The following LHX6 variants were observed in gnomAD, a reference collection of about 807,000 sequenced individuals.
LHX6 encodes LIM/homeobox protein Lhx6.
In LHX6, 15 loss-of-function variants were observed where a neutral mutation model predicts 47.1. The ratio of observed to expected loss-of-function variants is 0.32; its 90% CI spans 0.21 to 0.49. The LOEUF is 0.49. LHX6 is among the 20% of genes least tolerant of loss of function. The pLI is 0.99. For missense variants in LHX6, 404 were observed against 539.6 expected (o/e 0.75, Z 2.49); for synonymous variants, 242 against 233.5 (o/e 1.04, Z -0.33).
chr9:122,204,643 C>A lies in LHX6; in HGVS notation c.*117G>T, dbSNP rs1040579124. The A allele has an allele frequency of 2.2e-5, 28 of 1,274,688 alleles. No homozygotes were observed. The highest frequency in any genetic ancestry group is 4.3e-6 in the Non-Finnish European group (4 of 920,020). 79.0% of individuals were successfully genotyped at this position (1,274,688 alleles called of 1,614,324 possible). On this transcript the variant is annotated 3_prime_UTR_variant, in exon 10 of 10. Transcript: ENST00000394319. ...ACCGACCTGGTGGTGGGCAGGATGG[C>A]GGACGGGGGTGGATGCGGAGGTGGG... is the stretch of plus-strand genomic sequence containing the variant.
rs1022731836 is a variant in LHX6 at position 122,203,919 on chromosome 9, T to C, written c.*841A>G. ...CCTGTCCAAACATTCAGAAGAGTCA[T>C]GGCACAGATCGAATACCATCGCTGC... On this transcript the variant is annotated 3_prime_UTR_variant, in exon 10 of 10. Transcript: ENST00000394319. The C allele has an allele frequency of 3.9e-5, 6 of 152,240 alleles. No individual in the cohort carries two copies. Among genetic ancestry groups the C allele is most frequent in the African/African-American group, 1.4e-4 (6 of 41,454 alleles). The allele number at this position is 152,240 out of a possible 1,614,324, so 9.4% of individuals were successfully genotyped here.
At chr9:122,225,507 T>A (rs1831055836) in intron 4 of LHX6, among the ~76,000 whole-genome samples, 1 of 152,236 alleles carries the variant, frequency 6.6e-6, no homozygotes, top group Admixed American at 6.5e-5. Context: ...GACAGGAGGA[T>A]GCGCCTGGCT....
chr9:122,220,428 A>G (rs1290414517), intron 4 of LHX6, among the ~76,000 whole-genome samples: 1 of 152,202 alleles, frequency 6.6e-6, no homozygotes, highest in Non-Finnish European at 1.5e-5. Context: ...GACAGGAGTC[A>G]GCAGCACGAA....
At chr9:122,225,810 T>C (rs866503701) in intron 4 of LHX6, among the ~76,000 whole-genome samples, 1 of 152,116 alleles carries the variant, frequency 6.6e-6, no homozygotes, top group Admixed American at 6.5e-5. Context: ...CGCTTGGGTA[T>C]GGGATCGGAT....
chr9:122,213,726 C>A lies in LHX6; in HGVS notation c.934G>T (p.Val312Leu), dbSNP rs1055004167. 7 of 1,611,148 alleles carry A rather than the reference C, an allele frequency of 4.3e-6. No individual in the cohort carries two copies. Among genetic ancestry groups the A allele is most frequent in the Non-Finnish European group, 5.1e-6 (6 of 1,179,060 alleles). Reference protein sequence around the residue: ...RHKKHTPQHPVPPSGAPPSRL... With the variant: ...RHKKHTPQHPLPPSGAPPSRL... Reference sequence around the variant, plus strand: ...GACGGGGGCGCCCCCGAGGGCGGCACTGGGTGTTGCGGCGTGTGCTTTTTA... The same window carrying A: ...GACGGGGGCGCCCCCGAGGGCGGCAATGGGTGTTGCGGCGTGTGCTTTTTA... Residue 312 changes from valine to leucine, a missense_variant, in exon 8 of 10, where the codon GTG becomes TTG. By Grantham distance (32) the Val-to-Leu change is conservative. Coordinates refer to ENST00000394319, the MANE Select transcript of LHX6 (RefSeq NM_014368.5). The surrounding 1 kb of genome is among the most constrained non-coding windows in gnomAD (Gnocchi z 5.5).
At chr9:122,205,230 G>A (rs1830129217) in intron 9 of LHX6, among the ~76,000 whole-genome samples, 1 of 152,216 alleles carries the variant, frequency 6.6e-6, no homozygotes, top group Non-Finnish European at 1.5e-5. Context: ...GCCAGGCCTG[G>A]CTCACAGCAA....
chr9:122,226,904 C>T lies in LHX6; in HGVS notation c.283G>A (p.Gly95Ser). The T allele has an allele frequency of 6.4e-7, 1 of 1,564,408 alleles. No homozygotes were observed. The highest frequency in any genetic ancestry group is 8.7e-7 in the Non-Finnish European group (1 of 1,154,544). The change falls in exon 3 of 10, where the codon GGC (glycine) becomes AGC (serine). Residue 95 changes from glycine to serine, a missense_variant. Gly to Ser is a moderately conservative substitution (Grantham distance 56). This residue lies in a region of LHX6 where 53 missense variants were observed against 97.4 expected (regional missense o/e 0.54). Transcript: ENST00000394319. This position sits in a 1 kb window ranked among gnomAD's most constrained non-coding sequence, Gnocchi z 6.5. ...PSAASSVPSA[G>S]KNICSSCGLE... ...CCGCAGCTGGAGCAGATGTTCTTGCCTGCAGACGGCACGGAGGAGGCGGCA... is the reference window on the plus strand; with the variant it reads ...CCGCAGCTGGAGCAGATGTTCTTGCTTGCAGACGGCACGGAGGAGGCGGCA...
At position 122,213,607 on chromosome 9, in the gene LHX6, C is replaced by T; in HGVS notation, c.1053G>A (p.Glu351=). 1 of 1,578,546 alleles carries T rather than the reference C, an allele frequency of 6.3e-7. No homozygotes were observed. The highest frequency in any genetic ancestry group is 8.6e-7 in the Non-Finnish European group (1 of 1,161,974). ...GCTCCCGGCGCTGCGGTTACTTACT[C>T]TCAATGTAGCCGTGCAGGGTGACCA... The part of the protein sequence containing the change: ...ARMVTLHGYI[E]SQVQCGQVHC... The change falls in exon 8 of 10, where the codon GAG becomes GAA. Residue 351 remains glutamate (E), a splice_region_variant and synonymous_variant. Coordinates refer to ENST00000394319, the MANE Select transcript of LHX6 (RefSeq NM_014368.5). The surrounding 1 kb of genome is among the most constrained non-coding windows in gnomAD (Gnocchi z 5.5).
chr9:122,221,293 G>C (rs1830844774), intron 4 of LHX6: 2 of 984,504 alleles, frequency 2.0e-6, no homozygotes, highest in Admixed American at 1.2e-4. Context: ...CGGCCCCGAG[G>C]CTCCTCCCCC....
In LHX6 at chr9:122,226,356, G is replaced by A; in HGVS notation, c.461+20C>T. The A allele has an allele frequency of 6.2e-7, 1 of 1,604,498 alleles. No individual in the cohort carries two copies. Among genetic ancestry groups the A allele is most frequent in the South Asian group, 1.1e-5 (1 of 90,224 alleles). On this transcript the variant is annotated intron_variant, in intron 4 of 9. Transcript: ENST00000394319. The surrounding 1 kb of genome is among the most constrained non-coding windows in gnomAD (Gnocchi z 6.5). ...GGGCCTGCCCTCGGCGACACTGCTG[G>A]CTCGGCGGCCGCAGCCTACCTGAAG...
rs1359382987 is a variant in LHX6, at chr9:122,214,165, G to A, written c.784-96C>T. On this transcript the variant is annotated intron_variant, in intron 6 of 9. Coordinates refer to ENST00000394319, the MANE Select transcript of LHX6 (RefSeq NM_014368.5). The surrounding 1 kb of genome is among the most constrained non-coding windows in gnomAD (Gnocchi z 4.6). Reference sequence around the variant, plus strand: ...CAGTCCACAGGCCACGCCCCAGGCAGCTGCGGCCCCGCCCCGCCACCCGGG... The same window carrying A: ...CAGTCCACAGGCCACGCCCCAGGCAACTGCGGCCCCGCCCCGCCACCCGGG... The A allele has an allele frequency of 7.8e-6, 11 of 1,414,106 alleles. No individual in the cohort carries two copies. The highest frequency in any genetic ancestry group is 2.6e-5 in the East Asian group (1 of 38,180). The allele number at this position is 1,414,106 out of a possible 1,614,324, so 87.6% of individuals were successfully genotyped here. A position where few individuals can be genotyped will look rare whatever the true frequency, so the allele number is the denominator to read the frequency against.
chr9:122,222,390 T>A (rs1231951238), intron 4 of LHX6, among the ~76,000 whole-genome samples: 1 of 151,878 alleles, frequency 6.6e-6, no homozygotes, highest in Non-Finnish European at 1.5e-5. Context: ...AAATTAAGAG[T>A]CCTGTCACAT....
chr9:122,210,007 C>T (rs2118836123), intron 8 of LHX6, among the ~76,000 whole-genome samples: 1 of 152,256 alleles, frequency 6.6e-6, no homozygotes, highest in African/African-American at 2.4e-5. Flanking sequence ...TCCCAAGTAG[C>T]TGGGACTACA....
chr9:122,221,463 C>T (rs993041027), intron 4 of LHX6: 6 of 985,566 alleles, frequency 6.1e-6, no homozygotes, highest in Non-Finnish European at 7.2e-6. Context: ...CGCGACAGAG[C>T]TTGGGCTCAA....
chr9:122,215,958 T>C (rs971777737), intron 5 of LHX6, among the ~76,000 whole-genome samples: 1 of 152,102 alleles, frequency 6.6e-6, no homozygotes, highest in African/African-American at 2.4e-5. Flanking sequence ...GTTTTTTAGA[T>C]GGGAAACTAA....
intron 9 of LHX6, among the ~76,000 whole-genome samples, chr9:122,209,408 C>T (rs890666052): frequency 6.6e-6 from 1 of 152,232 alleles, no homozygotes; most frequent in Non-Finnish European, 1.5e-5. Context: ...TGCAAGGAGG[C>T]CTTCGGAGTG....
chr9:122,223,973 G>A (rs1218296874), intron 4 of LHX6, among the ~76,000 whole-genome samples: 1 of 152,098 alleles, frequency 6.6e-6, no homozygotes, highest in Non-Finnish European at 1.5e-5. Flanking sequence ...CTTAAATTTA[G>A]TAGCTGATGA....
rs1000084821 is a variant in LHX6 at position 122,203,984 on chromosome 9, A to G, written c.*776T>C. On this transcript the variant is annotated 3_prime_UTR_variant, in exon 10 of 10. Transcript: ENST00000394319. Reference sequence around the variant, plus strand: ...ATATGCTGGATAATTAGGTGGGGGTAGGGTCTCTCCCTGACCCCAGAGTTT... The same window carrying G: ...ATATGCTGGATAATTAGGTGGGGGTGGGGTCTCTCCCTGACCCCAGAGTTT... 1.3e-5 allele frequency: 2 copies of G among 152,244 alleles called. No homozygotes were observed. The highest frequency in any genetic ancestry group is 4.8e-5 in the African/African-American group (2 of 41,452). The allele number at this position is 152,244 out of a possible 1,614,324, so 9.4% of individuals were successfully genotyped here.
At chr9:122,212,919 G>A (rs1286769540) in intron 8 of LHX6, among the ~76,000 whole-genome samples, 1 of 152,122 alleles carries the variant, frequency 6.6e-6, no homozygotes, top group Non-Finnish European at 1.5e-5. Context: ...TCACAACCCT[G>A]TGAGGCTGGC....
Sources: gnomAD v4.1 joint callset for allele counts (sites outside exome capture counted in the v4.1 genomes callset) on GRCh38, gnomAD v4.1.1 for gene constraint, gnomAD v4.1.1 regional missense constraint, Gnocchi (gnomAD v3.1) non-coding constraint, MANE v1.5 for transcripts, NCBI Gene and HGNC (gene_info 2026-07-23, HGNC 2026-07-21) for gene names.